CLOCK: variants seen among roughly 807,000 people sequenced by gnomAD.
The protein encoded by CLOCK is clock circadian regulator.
Under a neutral mutation model 118.4 loss-of-function variants are expected in CLOCK, and 43 were observed. The ratio of observed to expected loss-of-function variants is 0.36; its 90% confidence interval spans 0.28 to 0.47. The LOEUF (loss-of-function observed/expected upper bound fraction) is 0.47, where lower values mean the gene tolerates loss of function less well. Among genes scored for constraint, CLOCK ranks in the 20% least tolerant of loss-of-function variants. The pLI is 1.00. For synonymous variants in CLOCK, 326 were observed against 339.2 expected, an observed-to-expected ratio of 0.96 and a Z score of 0.43; for missense variants, 846 against 999.9, an observed-to-expected ratio of 0.85 and a Z score of 2.08.
Position 55,478,795 on chromosome 4 carries a change from T to C in CLOCK, c.256+20A>G. On this transcript the variant is annotated intron_variant, in intron 6 of 22. Transcript: ENST00000513440. ...TAATGCTTTGAGAGTCTGTTCCATT[T>C]TACAGAGTTAAAAATTTACCTTTAT... 1.2e-6 allele frequency: 2 copies of C among 1,609,290 alleles called. No homozygotes were observed. The highest frequency in any genetic ancestry group is 1.7e-6 in the Non-Finnish European group (2 of 1,176,856).
Position 55,450,347 on chromosome 4 carries a change from T to C in CLOCK, c.1207-115A>G, listed in dbSNP as rs1724319103. 5 of 1,124,114 alleles carry C rather than the reference T, an allele frequency of 4.4e-6. No individual in the cohort carries two copies. In the South Asian group the frequency reaches 6.3e-5, roughly 14 times the overall value. 69.6% of individuals were successfully genotyped at this position (1,124,114 alleles called of 1,614,324 possible). On this transcript the variant is annotated intron_variant, in intron 15 of 22. Coordinates refer to ENST00000513440, the MANE Select transcript of CLOCK (RefSeq NM_004898.4). ...GTTTTTGTCTATAACAAGGCAAAAG[T>C]ACCTGTATGTACATACACATGTAAA...
At chr4:55,474,394 A>G (rs1037789415) in intron 7 of CLOCK, among the ~76,000 whole-genome samples, 2 of 152,240 alleles carry the variant, frequency 1.3e-5, no homozygotes, top group African/African-American at 2.4e-5. Context: ...GGCCATCTCC[A>G]TAACATAAAA....
At chr4:55,494,884 C>G (rs1162264329) in intron 2 of CLOCK, among the ~76,000 whole-genome samples, 1 of 151,946 alleles carries the variant, frequency 6.6e-6, no homozygotes, top group Non-Finnish European at 1.5e-5. Flanking sequence ...GGGTTCAGGT[C>G]AGTGAGATTT....
intron 2 of CLOCK, among the ~76,000 whole-genome samples, chr4:55,506,549 G>A (rs1728806208): frequency 6.6e-6 from 1 of 151,692 alleles, no homozygotes; most frequent in African/African-American, 2.4e-5. Flanking sequence ...TTTAGCATAT[G>A]GTATTTATTT....
intron 8 of CLOCK, among the ~76,000 whole-genome samples, chr4:55,468,377 G>A (rs1381978378): frequency 6.6e-6 from 1 of 152,184 alleles, no homozygotes; most frequent in Non-Finnish European, 1.5e-5. Context: ...CCTATCAGCT[G>A]TGGCACAGCA....
chr4:55,445,903 T>C (rs1723801559), intron 18 of CLOCK, among the ~76,000 whole-genome samples: 2 of 152,072 alleles, frequency 1.3e-5, no homozygotes. Flanking sequence ...GCTTTATTCC[T>C]ATATTCTTTA....
chr4:55,510,622 G>T (rs1332752830), intron 1 of CLOCK, among the ~76,000 whole-genome samples: 5 of 62,962 alleles, frequency 7.9e-5, no homozygotes, highest in East Asian at 5.4e-4. Context: ...ACAAGACTCT[G>T]TCTTTTTAAA....
intron 1 of CLOCK, among the ~76,000 whole-genome samples, chr4:55,515,958 A>T (rs535218844): frequency 2.0e-5 from 3 of 152,198 alleles, no homozygotes; most frequent in Non-Finnish European, 4.4e-5. Flanking sequence ...TTTTTTTAAT[A>T]GATTTCTTGA....
chr4:55,477,358 G>A (rs1726585507), intron 6 of CLOCK, among the ~76,000 whole-genome samples: 1 of 152,032 alleles, frequency 6.6e-6, no homozygotes, highest in African/African-American at 2.4e-5. Flanking sequence ...AGGCACTGAG[G>A]TTAGTGAGAT....
rs754407050 is a variant in CLOCK at position 55,448,767 on chromosome 4, A to C, written c.1539+12T>G. On this transcript the variant is annotated intron_variant, in intron 18 of 22. Transcript: ENST00000513440. ...ATTCAAATACGCAACTGAAACAAAA[A>C]CCAAAAAGTACCTGGGACATGCCTT... 2 of 1,610,684 alleles carry C rather than the reference A, an allele frequency of 1.2e-6. No individual in the cohort carries two copies. The highest frequency in any genetic ancestry group is 2.2e-5 in the South Asian group (2 of 90,984).
At chr4:55,504,961 G>C (rs1728705393) in intron 2 of CLOCK, among the ~76,000 whole-genome samples, 1 of 152,122 alleles carries the variant, frequency 6.6e-6, no homozygotes, top group Non-Finnish European at 1.5e-5. Context: ...AAGGAAGGCG[G>C]ATCATGAGGT....
At chr4:55,526,227 G>T (rs1007915797) in intron 1 of CLOCK, among the ~76,000 whole-genome samples, 1 of 152,108 alleles carries the variant, frequency 6.6e-6, no homozygotes, top group African/African-American at 2.4e-5. Context: ...TAGGCAAAGG[G>T]ACCAAAGTAC....
At chr4:55,537,102 A>G (rs1730952570) in intron 1 of CLOCK, among the ~76,000 whole-genome samples, 1 of 152,206 alleles carries the variant, frequency 6.6e-6, no homozygotes. Context: ...ACTATATAAC[A>G]CACTTATAAA....
At chr4:55,499,733 G>A (rs952583962) in intron 2 of CLOCK, among the ~76,000 whole-genome samples, 1 of 152,172 alleles carries the variant, frequency 6.6e-6, no homozygotes, top group Admixed American at 6.5e-5. Flanking sequence ...ATCTCTCAGG[G>A]GCAACTCTGG....
intron 1 of CLOCK, among the ~76,000 whole-genome samples, chr4:55,539,171 G>A (rs1171807132): frequency 6.6e-6 from 1 of 152,108 alleles, no homozygotes; most frequent in Non-Finnish European, 1.5e-5. Flanking sequence ...GGAGGCAGAA[G>A]CTGCAGTGAG....
intron 6 of CLOCK, among the ~76,000 whole-genome samples, chr4:55,477,567 G>A (rs1726605992): frequency 6.6e-6 from 1 of 151,988 alleles, no homozygotes; most frequent in Non-Finnish European, 1.5e-5. Context: ...AAGAGAAAGA[G>A]GTAACTTGAC....
At chr4:55,462,844 T>TTGTGTG (rs148360787) in intron 9 of CLOCK, among the ~76,000 whole-genome samples, 44,411 of 151,284 alleles carry the variant, frequency 0.29, 6,932 homozygotes, top group East Asian at 0.52. Flanking sequence ...ACACACAGAT[T>TTGTGTG]TGTGTGAGTG....
intron 3 of CLOCK, among the ~76,000 whole-genome samples, chr4:55,488,531 T>G (rs1259295697): frequency 6.6e-6 from 1 of 152,236 alleles, no homozygotes; most frequent in Non-Finnish European, 1.5e-5. Flanking sequence ...TCCCCATCAT[T>G]TACTGTATTC....
rs1722441384 is a variant in CLOCK, at chr4:55,430,717, T to G, written c.*4698A>C. 1 of 152,200 alleles carries G rather than the reference T, an allele frequency of 6.6e-6. No homozygotes were observed. The highest frequency in any genetic ancestry group is 1.5e-5 in the Non-Finnish European group (1 of 68,026). 9.4% of individuals were successfully genotyped at this position (152,200 alleles called of 1,614,324 possible). A position where few individuals can be genotyped will look rare whatever the true frequency, so the allele number is the denominator to read the frequency against. On this transcript the variant is annotated 3_prime_UTR_variant, in exon 23 of 23. Transcript: ENST00000513440. ...CACTCAGAATAATTCTTGAAATTATTATATTCTAAAATGTTACTAGCAATC... is the reference window on the plus strand; with the variant it reads ...CACTCAGAATAATTCTTGAAATTATGATATTCTAAAATGTTACTAGCAATC...
Sources: allele counts gnomAD v4.1 joint callset (sites outside exome capture counted in the v4.1 genomes callset), GRCh38; gene constraint gnomAD v4.1.1; transcripts MANE v1.5; gene names NCBI Gene and HGNC (gene_info 2026-07-23, HGNC 2026-07-21).